TNFSF4: variants seen among roughly 807,000 people sequenced by gnomAD.
TNFSF4 encodes the protein tumor necrosis factor ligand superfamily member 4.
Under a neutral mutation model 7.3 loss-of-function variants are expected in TNFSF4, and 4 were observed. The observed-to-expected ratio is 0.55, with a 90% CI of 0.27 to 1.25. The LOEUF (loss-of-function observed/expected upper bound fraction) is 1.25. TNFSF4 is among the 50% of genes most tolerant of loss of function. The probability of loss-of-function intolerance (pLI) is 0.12; values close to 1 mark genes in which losing one functional copy is unlikely to be tolerated. For missense variants in TNFSF4, 181 were observed against 208.8 expected, an observed-to-expected ratio of 0.87 and a Z score of 0.82; for synonymous variants, 76 against 83.7, an observed-to-expected ratio of 0.91 and a Z score of 0.50.
At chr1:173,323,517 G>A in the TNFSF4 span, among the ~76,000 whole-genome samples, 2 of 152,238 alleles carry the variant, frequency 1.3e-5, no homozygotes, top group African/African-American at 4.8e-5. Flanking sequence ...GACAGAGAAT[G>A]ACTTTGACGA....
chr1:173,402,609 A>AACTG, the TNFSF4 span, among the ~76,000 whole-genome samples: 1 of 152,216 alleles, frequency 6.6e-6, no homozygotes. Context: ...ACCTTTCCCC[A>AACTG]GAGCACTATT....
chr1:173,285,493 G>A, the TNFSF4 span, among the ~76,000 whole-genome samples: 1 of 152,112 alleles, frequency 6.6e-6, no homozygotes, highest in Non-Finnish European at 1.5e-5. Flanking sequence ...TTCTACTTGG[G>A]TAAAATGCAA....
chr1:173,374,073 T>A, the TNFSF4 span, among the ~76,000 whole-genome samples: 11 of 152,174 alleles, frequency 7.2e-5, no homozygotes, highest in Admixed American at 1.3e-4. Flanking sequence ...TCATCTCCCA[T>A]GGCCTACTCT....
the TNFSF4 span, among the ~76,000 whole-genome samples, chr1:173,361,624 A>G: frequency 6.6e-6 from 1 of 151,936 alleles, no homozygotes; most frequent in East Asian, 1.9e-4. Context: ...CATAGGTAAC[A>G]CTTTCTTTTT....
At chr1:173,285,060 G>T in the TNFSF4 span, among the ~76,000 whole-genome samples, 1 of 152,146 alleles carries the variant, frequency 6.6e-6, no homozygotes, top group Non-Finnish European at 1.5e-5. Flanking sequence ...TTCTGGAAAG[G>T]ATTCACTATT....
At chr1:173,305,054 C>G in the TNFSF4 span, among the ~76,000 whole-genome samples, 2 of 151,812 alleles carry the variant, frequency 1.3e-5, no homozygotes, top group Non-Finnish European at 1.5e-5. Flanking sequence ...TTCACAAAAA[C>G]GAACAGGAAT....
the TNFSF4 span, among the ~76,000 whole-genome samples, chr1:173,444,398 A>C: frequency 1.3e-5 from 2 of 152,050 alleles, no homozygotes; most frequent in Non-Finnish European, 2.9e-5. Flanking sequence ...TTTTTCGTAC[A>C]AAAAGTTTGG....
At chr1:173,330,403 T>A in the TNFSF4 span, among the ~76,000 whole-genome samples, 4 of 151,730 alleles carry the variant, frequency 2.6e-5, no homozygotes, top group African/African-American at 7.2e-5. Flanking sequence ...TGGTTGCACA[T>A]AATTTTTTCA....
chr1:173,265,821 C>T, the TNFSF4 span, among the ~76,000 whole-genome samples: 182 of 152,184 alleles, frequency 1.2e-3, no homozygotes, highest in African/African-American at 3.7e-3. Context: ...TTTTAATTTG[C>T]GTTAGTGGTA....
chr1:173,227,115 T>G, the TNFSF4 span, among the ~76,000 whole-genome samples: 2 of 150,276 alleles, frequency 1.3e-5, no homozygotes, highest in Admixed American at 6.6e-5. Flanking sequence ...TTCTTTTGTT[T>G]TTTTTTTTTT....
At chr1:173,449,179 G>C in the TNFSF4 span, among the ~76,000 whole-genome samples, 1 of 152,040 alleles carries the variant, frequency 6.6e-6, no homozygotes, top group Admixed American at 6.6e-5. Flanking sequence ...CTCTCACCAT[G>C]TGGTGTTCCC....
the TNFSF4 span, among the ~76,000 whole-genome samples, chr1:173,397,114 A>C: frequency 2.0e-5 from 3 of 152,218 alleles, no homozygotes; most frequent in African/African-American, 7.2e-5. Flanking sequence ...CTGGCTGATC[A>C]CGGTGTTCCT....
the TNFSF4 span, among the ~76,000 whole-genome samples, chr1:173,224,978 C>A: frequency 3.9e-5 from 6 of 152,172 alleles, no homozygotes; most frequent in Non-Finnish European, 1.5e-5. Flanking sequence ...TCTCTGCAAT[C>A]CAAAATAGGC....
At chr1:173,382,764 A>G in the TNFSF4 span, among the ~76,000 whole-genome samples, 1 of 151,960 alleles carries the variant, frequency 6.6e-6, no homozygotes, top group African/African-American at 2.4e-5. Context: ...CATATCTACC[A>G]TATCACCTAC....
chr1:173,308,317 G>GTC, the TNFSF4 span, among the ~76,000 whole-genome samples: 358 of 151,076 alleles, frequency 2.4e-3, no homozygotes, highest in African/African-American at 8.2e-3. Context: ...GTGTGTCTGT[G>GTC]TGTGTGTGTG....
chr1:173,349,253 C>G, the TNFSF4 span, among the ~76,000 whole-genome samples: 1 of 152,124 alleles, frequency 6.6e-6, no homozygotes, highest in Admixed American at 6.5e-5. Flanking sequence ...TGGTCTCGAT[C>G]TCCCGACCTC....
the TNFSF4 span, among the ~76,000 whole-genome samples, chr1:173,440,255 T>G: frequency 6.6e-6 from 1 of 152,172 alleles, no homozygotes; most frequent in Non-Finnish European, 1.5e-5. Context: ...GTGGGGATCT[T>G]CCATGACATA....
At chr1:173,255,348 G>T in the TNFSF4 span, among the ~76,000 whole-genome samples, 1 of 152,216 alleles carries the variant, frequency 6.6e-6, no homozygotes, top group East Asian at 1.9e-4. Flanking sequence ...GCAAAAGTCA[G>T]TTTATAATAT....
chr1:173,313,534 G>T, the TNFSF4 span, among the ~76,000 whole-genome samples: 2,541 of 152,046 alleles, frequency 0.017, 68 homozygotes, highest in African/African-American at 0.058. Context: ...TGTTAGTGAT[G>T]CTGCATAGCT....
Sources: gnomAD v4.1 joint callset for allele counts (sites outside exome capture counted in the v4.1 genomes callset) on GRCh38, gnomAD v4.1.1 for gene constraint, MANE v1.5 for transcripts, NCBI Gene and HGNC (gene_info 2026-07-23, HGNC 2026-07-21) for gene names.